Variants in NTRK3 observed in about 807,000 individuals in gnomAD.
NTRK3 encodes neurotrophic receptor tyrosine kinase 3, also known as NT-3 growth factor receptor.
A neutral mutation model predicts 91.7 loss-of-function variants in NTRK3; 24 were observed. The ratio of observed to expected loss-of-function variants is 0.26; its 90% CI spans 0.19 to 0.37. The LOEUF is 0.37. NTRK3 is among the 10% of genes least tolerant of loss of function. NTRK3 has a pLI of 1.00. For synonymous variants in NTRK3, 483 were observed against 404.0 expected (o/e 1.20, Z -2.34); for missense variants, 880 against 1,068.9 (o/e 0.82, Z 2.46).
chr15:88,128,313 T>A (rs2053497279), intron 11 of NTRK3, among the ~76,000 whole-genome samples: 1 of 152,162 alleles, frequency 6.6e-6, no homozygotes, highest in Non-Finnish European at 1.5e-5. Flanking sequence ...GTGCTCAGGC[T>A]CCTGAAGCAG....
intron 14 of NTRK3, among the ~76,000 whole-genome samples, chr15:88,029,150 A>T (rs1401748321): frequency 6.6e-6 from 1 of 152,232 alleles, no homozygotes; most frequent in African/African-American, 2.4e-5. Context: ...TACAAAAATA[A>T]TGAGGGGGGC....
chr15:88,078,878 CG>C (rs1038684457), intron 13 of NTRK3, among the ~76,000 whole-genome samples: 1 of 152,166 alleles, frequency 6.6e-6, no homozygotes, highest in Non-Finnish European at 1.5e-5. Context: ...TGGACGAGCA[CG>C]GGGGAAAGTG....
At chr15:88,096,612 C>T (rs144086720) in intron 13 of NTRK3, among the ~76,000 whole-genome samples, 1 of 152,304 alleles carries the variant, frequency 6.6e-6, no homozygotes, top group African/African-American at 2.4e-5. Flanking sequence ...TGGCCTTAAG[C>T]AGGTACAACC....
At chr15:87,917,068 G>A (rs1242298052) in intron 17 of NTRK3, among the ~76,000 whole-genome samples, 1 of 152,032 alleles carries the variant, frequency 6.6e-6, no homozygotes, top group Non-Finnish European at 1.5e-5. Context: ...CTGGCCACAG[G>A]GCCATTTTGG....
chr15:88,056,148 T>C (rs1347502157), intron 13 of NTRK3, among the ~76,000 whole-genome samples: 2 of 146,168 alleles, frequency 1.4e-5, no homozygotes, highest in African/African-American at 5.0e-5. Flanking sequence ...ACAACGTGGG[T>C]GAAGCATTAC....
At chr15:87,905,632 C>A (rs565954856) in intron 17 of NTRK3, among the ~76,000 whole-genome samples, 7 of 152,272 alleles carry the variant, frequency 4.6e-5, no homozygotes, top group Admixed American at 2.0e-4. Flanking sequence ...AAAAGACAGA[C>A]AGGAAATTTA....
chr15:88,027,610 T>G (rs2078150061), intron 14 of NTRK3, among the ~76,000 whole-genome samples: 1 of 152,120 alleles, frequency 6.6e-6, no homozygotes. Flanking sequence ...TCTCGATCTC[T>G]GGACCTCGTG....
chr15:87,910,315 G>T (rs917370002), intron 17 of NTRK3, among the ~76,000 whole-genome samples: 1 of 152,152 alleles, frequency 6.6e-6, no homozygotes, highest in African/African-American at 2.4e-5. Context: ...CTGCCAACGT[G>T]CAAAGAAAAA....
intron 3 of NTRK3, among the ~76,000 whole-genome samples, chr15:88,188,264 C>T (rs1208831894): frequency 6.6e-6 from 1 of 152,208 alleles, no homozygotes; most frequent in Non-Finnish European, 1.5e-5. Flanking sequence ...CAGGTGCCCA[C>T]TCCTACTTTA....
chr15:87,996,529 C>T (rs2075718715), intron 14 of NTRK3, among the ~76,000 whole-genome samples: 1 of 152,088 alleles, frequency 6.6e-6, no homozygotes, highest in Non-Finnish European at 1.5e-5. Context: ...CCAGGGTTCT[C>T]CAGTGTGATT....
At chr15:87,934,896 A>T (rs1596312108) in intron 15 of NTRK3, among the ~76,000 whole-genome samples, 2 of 152,218 alleles carry the variant, frequency 1.3e-5, no homozygotes, top group South Asian at 4.1e-4. Context: ...TTCAACTTCA[A>T]CCAGCACCAC....
chr15:88,029,433 C>T (rs1351834497), intron 14 of NTRK3, among the ~76,000 whole-genome samples: 1 of 152,130 alleles, frequency 6.6e-6, no homozygotes, highest in East Asian at 1.9e-4. Context: ...GACCAGCATC[C>T]TAATCATTTC....
intron 3 of NTRK3, among the ~76,000 whole-genome samples, chr15:88,188,690 T>C (rs925241665): frequency 6.6e-6 from 1 of 151,930 alleles, no homozygotes; most frequent in South Asian, 2.1e-4. Context: ...GAGGAAAAAA[T>C]GGGCAAGCCA....
chr15:88,189,567 C>T (rs892500639), intron 3 of NTRK3, among the ~76,000 whole-genome samples: 1 of 152,070 alleles, frequency 6.6e-6, no homozygotes, highest in African/African-American at 2.4e-5. Flanking sequence ...GCCTTAGCCT[C>T]CCGAGTAGCT....
At chr15:88,040,947 A>G (rs1190569672) in intron 13 of NTRK3, among the ~76,000 whole-genome samples, 1 of 152,230 alleles carries the variant, frequency 6.6e-6, no homozygotes, top group Non-Finnish European at 1.5e-5. Flanking sequence ...GTCATTTTCA[A>G]AAATCACCTA....
intron 12 of NTRK3, among the ~76,000 whole-genome samples, chr15:88,126,849 C>A (rs746174358): frequency 1.7e-4 from 26 of 152,128 alleles, no homozygotes; most frequent in Admixed American, 7.9e-4. Context: ...CAAGGAGATG[C>A]CTTGAGCAAC....
chr15:87,950,426 A>G (rs1320319289), intron 14 of NTRK3, among the ~76,000 whole-genome samples: 3 of 152,200 alleles, frequency 2.0e-5, no homozygotes, highest in African/African-American at 7.2e-5. Flanking sequence ...TTGGTCTATA[A>G]AAGAGAGGCA....
intron 14 of NTRK3, among the ~76,000 whole-genome samples, chr15:88,001,156 T>A (rs750801620): frequency 6.6e-6 from 1 of 152,186 alleles, no homozygotes; most frequent in Non-Finnish European, 1.5e-5. Context: ...CTTTGAGAAA[T>A]GTCTATTCAA....
intron 3 of NTRK3, among the ~76,000 whole-genome samples, chr15:88,236,762 C>CA: frequency 7.5e-6 from 1 of 132,460 alleles, no homozygotes; most frequent in Non-Finnish European, 1.6e-5. Flanking sequence ...CAAAAGCTAC[C>CA]AAAATTAAAA....
Sources: allele counts gnomAD v4.1 joint callset (sites outside exome capture counted in the v4.1 genomes callset), GRCh38; gene constraint gnomAD v4.1.1; transcripts MANE v1.5; gene names NCBI Gene and HGNC (gene_info 2026-07-23, HGNC 2026-07-21).